Variants in ESRP1 observed in about 807,000 individuals in gnomAD.
ESRP1 encodes the protein epithelial splicing regulatory protein 1, also known as RNA-binding motif protein 35A.
ESRP1 carries 33 observed loss-of-function variants against 81.7 expected under a neutral mutation model. The ratio of observed to expected loss-of-function variants is 0.40; its 90% CI spans 0.31 to 0.54. The LOEUF is 0.54. Ranked by LOEUF, ESRP1 falls within the 20% of genes least tolerant of loss-of-function variation. The probability of loss-of-function intolerance (pLI) is 0.41; values close to 1 mark genes in which losing one functional copy is unlikely to be tolerated. For missense variants in ESRP1, 672 were observed against 833.1 expected (o/e 0.81, Z 2.38); for synonymous variants, 320 against 303.3 (o/e 1.06, Z -0.57).
chr8:94,669,653 C>T (rs1367321739), intron 10 of ESRP1, among the ~76,000 whole-genome samples: 1 of 151,924 alleles, frequency 6.6e-6, no homozygotes, highest in Non-Finnish European at 1.5e-5. Flanking sequence ...ATTGCCTGAG[C>T]TCAGGAGTTC....
chr8:94,674,532 T>C (rs752829721), intron 12 of ESRP1, 26 bp downstream of exon 12: 1 of 1,597,872 alleles, frequency 6.3e-7, no homozygotes, highest in South Asian at 1.1e-5. Context: ...GTCTTGGCGC[T>C]ATTCTACGCT....
intron 11 of ESRP1, 108 bp downstream of exon 11, chr8:94,671,779 T>C (rs895889309): frequency 2.2e-5 from 15 of 686,744 alleles, no homozygotes; most frequent in Non-Finnish European, 2.2e-5. Context: ...ATATTAGATA[T>C]TAGTCTTTGA....
At chr8:94,705,643 C>T (rs529651368) in intron 15 of ESRP1, 3 of 311,902 alleles carry the variant, frequency 9.6e-6, no homozygotes, top group Non-Finnish European at 1.8e-5. Flanking sequence ...AGTCGGAAAC[C>T]ATACATGTTA....
intron 13 of ESRP1, among the ~76,000 whole-genome samples, chr8:94,690,276 A>ATTTTTTTTTT (rs373440584): frequency 2.0e-4 from 12 of 61,370 alleles, no homozygotes; most frequent in African/African-American, 7.4e-4. Flanking sequence ...TGCCTGGCTA[A>ATTTTTTTTTT]TTTTTTTTTT....
intron 9 of ESRP1, 139 bp from the exon 10 acceptor site, chr8:94,667,810 G>C: frequency 1.7e-6 from 1 of 577,018 alleles, no homozygotes. Flanking sequence ...TGATTTCTAG[G>C]ATGTTATTTT....
intron 12 of ESRP1, among the ~76,000 whole-genome samples, 165 bp downstream of exon 12, chr8:94,674,671 T>C (rs931763157): frequency 6.6e-6 from 1 of 152,190 alleles, no homozygotes; most frequent in African/African-American, 2.4e-5. Context: ...TTTAAGACCT[T>C]GGTTGTGGAC....
At chr8:94,659,795 G>A (rs577110591) in intron 4 of ESRP1, among the ~76,000 whole-genome samples, 14 of 152,358 alleles carry the variant, frequency 9.2e-5, no homozygotes, top group Admixed American at 8.5e-4. Flanking sequence ...ATTTATAGAA[G>A]AGAGGAAAGT....
At chr8:94,656,518 G>A (rs1818434522) in intron 4 of ESRP1, among the ~76,000 whole-genome samples, 1 of 152,180 alleles carries the variant, frequency 6.6e-6, no homozygotes, top group Non-Finnish European at 1.5e-5. Flanking sequence ...ACCACGCCCG[G>A]CCCATAAAGG....
chr8:94,660,237 A>G (rs901349006), intron 4 of ESRP1, among the ~76,000 whole-genome samples: 3 of 152,204 alleles, frequency 2.0e-5, no homozygotes, highest in Non-Finnish European at 2.9e-5. Context: ...GTTATAGGCT[A>G]ATGTAGCTGG....
At chr8:94,661,897 A>G (rs548137074) in intron 4 of ESRP1, among the ~76,000 whole-genome samples, 1 of 152,250 alleles carries the variant, frequency 6.6e-6, no homozygotes, top group Non-Finnish European at 1.5e-5. Context: ...TAATGTCACC[A>G]TATCATGAAG....
At chr8:94,655,090 T>G (rs1402180607) in intron 4 of ESRP1, among the ~76,000 whole-genome samples, 3 of 147,208 alleles carry the variant, frequency 2.0e-5, no homozygotes, top group Admixed American at 1.4e-4. Flanking sequence ...TGTGTGTGTT[T>G]TGTTTTGTTT....
intron 13 of ESRP1, among the ~76,000 whole-genome samples, chr8:94,689,342 G>A (rs1308843855): frequency 6.9e-6 from 1 of 145,776 alleles, no homozygotes; most frequent in Admixed American, 6.9e-5. Context: ...ACAATGTTTT[G>A]TAGTTTTCAG....
intron 4 of ESRP1, among the ~76,000 whole-genome samples, chr8:94,654,725 C>T (rs1818311813): frequency 6.6e-6 from 1 of 151,890 alleles, no homozygotes; most frequent in South Asian, 2.1e-4. Context: ...AGTTCAGGAC[C>T]AGCCTAAGCA....
chr8:94,668,391 C>G (rs1374890488), intron 10 of ESRP1, 141 bp downstream of exon 10: 5 of 795,182 alleles, frequency 6.3e-6, no homozygotes, highest in South Asian at 2.0e-5. Context: ...AGTCTTGATT[C>G]TATAACCAAG....
At chr8:94,654,189 G>A (rs554794799) in intron 4 of ESRP1, among the ~76,000 whole-genome samples, 50 of 152,228 alleles carry the variant, frequency 3.3e-4, no homozygotes, top group African/African-American at 1.1e-3. Flanking sequence ...GTGGTGGTGG[G>A]TACCTGTAAT....
chr8:94,706,616 G>A lies in ESRP1; in HGVS notation c.*727G>A, dbSNP rs536142894. Reference sequence around the variant, plus strand: ...TGAATTAGGGGCCAAAATGCAAAACGAAAAATGAAGCAGCTACATGTAGTT... The same window carrying A: ...TGAATTAGGGGCCAAAATGCAAAACAAAAAATGAAGCAGCTACATGTAGTT... On this transcript the variant is annotated 3_prime_UTR_variant, in exon 16 of 16. Transcript: ENST00000433389. 1.7e-3 allele frequency: 252 copies of A among 152,686 alleles called. No individual in the cohort carries two copies. The highest frequency in any genetic ancestry group is 2.9e-3 in the Non-Finnish European group (198 of 68,018). 9.5% of individuals were successfully genotyped at this position (152,686 alleles called of 1,614,324 possible). A position where few individuals can be genotyped will look rare whatever the true frequency, so the allele number is the denominator to read the frequency against.
intron 4 of ESRP1, among the ~76,000 whole-genome samples, chr8:94,648,141 T>A (rs1226933341): frequency 6.6e-6 from 1 of 152,142 alleles, no homozygotes; most frequent in African/African-American, 2.4e-5. Flanking sequence ...ACTGTAGTCC[T>A]AGCTACTTAG....
intron 4 of ESRP1, among the ~76,000 whole-genome samples, chr8:94,652,200 C>T (rs923068948): frequency 6.6e-6 from 1 of 151,924 alleles, no homozygotes; most frequent in African/African-American, 2.4e-5. Flanking sequence ...GTTGGCGAGG[C>T]TGGTCTGGAA....
chr8:94,700,885 C>T (rs1809797763), intron 15 of ESRP1, among the ~76,000 whole-genome samples: 2 of 151,142 alleles, frequency 1.3e-5, no homozygotes, highest in African/African-American at 4.9e-5. Flanking sequence ...GCCGAGATCG[C>T]GCCACTGCAC....
Sources: gnomAD v4.1 joint callset for allele counts (sites outside exome capture counted in the v4.1 genomes callset) on GRCh38, gnomAD v4.1.1 for gene constraint, MANE v1.5 for transcripts, NCBI Gene and HGNC (gene_info 2026-07-23, HGNC 2026-07-21) for gene names.